MYO18A: variants seen among roughly 807,000 people sequenced by gnomAD.
MYO18A encodes myosin XVIIIA.
Under a neutral mutation model 235.8 loss-of-function variants are expected in MYO18A, and 78 were observed. The observed-to-expected ratio is 0.33, with a 90% CI of 0.28 to 0.40. MYO18A has a LOEUF of 0.40. MYO18A is among the 10% of genes least tolerant of loss of function. The probability of loss-of-function intolerance (pLI) is 1.00; values close to 1 mark genes in which losing one functional copy is unlikely to be tolerated. For missense variants in MYO18A, 2,215 were observed against 2,699.3 expected, an observed-to-expected ratio of 0.82 and a Z score of 3.98; for synonymous variants, 977 against 1,077.8, an observed-to-expected ratio of 0.91 and a Z score of 1.83.
At chr17:29,100,653 G>C (rs2066632109) in intron 21 of MYO18A, among the ~76,000 whole-genome samples, 1 of 144,150 alleles carries the variant, frequency 6.9e-6, no homozygotes, top group Non-Finnish European at 1.6e-5. Context: ...CTATCCATGA[G>C]AGTGGGCAGA....
chr17:29,126,343 G>A lies in MYO18A; in HGVS notation c.1000-4090C>T, dbSNP rs1187799461. On this transcript the variant is annotated intron_variant, in intron 2 of 41. Transcript: ENST00000527372. The surrounding 1 kb of genome is among the most constrained non-coding windows in gnomAD (Gnocchi z 4.1). ...AGGGACGGGGAGGAGGGAGGGGAGG[G>A]CAGCCGCCCGGGAACAGGACCACGA... 6.6e-6 allele frequency among the ~76,000 whole-genome samples: 1 copy of A among 151,480 alleles called. No individual in the cohort carries two copies. Among genetic ancestry groups the A allele is most frequent in the Admixed American group, 6.6e-5 (1 of 15,228 alleles).
intron 1 of MYO18A, among the ~76,000 whole-genome samples, chr17:29,175,564 A>T (rs1180737359): frequency 6.6e-6 from 1 of 151,764 alleles, no homozygotes; most frequent in Non-Finnish European, 1.5e-5. Flanking sequence ...GGGTCTTGCC[A>T]TGTTGCCCAG....
intron 7 of MYO18A, among the ~76,000 whole-genome samples, chr17:29,119,936 C>T (rs866126475): frequency 1.3e-5 from 2 of 151,898 alleles, no homozygotes; most frequent in Non-Finnish European, 2.9e-5. Flanking sequence ...AGTGCAGTGG[C>T]GCAATCACAG....
At chr17:29,115,176 A>C in intron 13 of MYO18A, 77 bp from the exon 14 acceptor site, 1 of 1,494,656 alleles carries the variant, frequency 6.7e-7, no homozygotes, top group South Asian at 1.3e-5. Context: ...CCCAAGCCAG[A>C]CCTCTATCCC....
intron 2 of MYO18A, among the ~76,000 whole-genome samples, chr17:29,139,552 C>T (rs2067686576): frequency 6.6e-6 from 1 of 151,968 alleles, no homozygotes; most frequent in Non-Finnish European, 1.5e-5. Context: ...TGATGCACCT[C>T]CGCACCAGGC....
chr17:29,174,540 C>T (rs543108471), intron 1 of MYO18A, among the ~76,000 whole-genome samples: 1 of 152,156 alleles, frequency 6.6e-6, no homozygotes, highest in East Asian at 1.9e-4. Context: ...AAATGCTGGG[C>T]ATGGTGGCTC....
rs755781617 is a variant in MYO18A, at chr17:29,089,942, G to A, written c.5526+19C>T. ...AGCTCTGCCCTGTTTGGTGTGGCCC[G>A]GGAGAAGTGTGAACCCACCTCCAGC... On this transcript the variant is annotated intron_variant, in intron 37 of 41. Coordinates refer to ENST00000527372, the MANE Select transcript of MYO18A (RefSeq NM_078471.4). The A allele has an allele frequency of 1.1e-5, 17 of 1,613,728 alleles. No homozygotes were observed. Among genetic ancestry groups the A allele is most frequent in the African/African-American group, 5.3e-5 (4 of 74,948 alleles).
chr17:29,084,282 C>G (rs1598271994), intron 40 of MYO18A, among the ~76,000 whole-genome samples: 1 of 152,198 alleles, frequency 6.6e-6, no homozygotes, highest in Non-Finnish European at 1.5e-5. Flanking sequence ...GCCCTTGAAG[C>G]TCTTGCCACA....
At chr17:29,096,523 G>A (rs1452411723) in intron 28 of MYO18A, among the ~76,000 whole-genome samples, 1 of 152,180 alleles carries the variant, frequency 6.6e-6, no homozygotes, top group Non-Finnish European at 1.5e-5. Flanking sequence ...ACAGGCACAT[G>A]ATGCAGGGAG....
Position 29,118,036 on chromosome 17 carries a change from G to T in MYO18A, c.2038+9C>A. Reference sequence around the variant, plus strand: ...ACAGGCCAGCCTACTGGGACCCACTGCAGGTTACCTTTGGTGGCTCCCGCA... The same window carrying T: ...ACAGGCCAGCCTACTGGGACCCACTTCAGGTTACCTTTGGTGGCTCCCGCA... On this transcript the variant is annotated intron_variant, in intron 10 of 41. Coordinates refer to ENST00000527372, the MANE Select transcript of MYO18A (RefSeq NM_078471.4). The surrounding 1 kb of genome is among the most constrained non-coding windows in gnomAD (Gnocchi z 4.2). The T allele has an allele frequency of 6.4e-7, 1 of 1,574,068 alleles. No homozygotes were observed. The highest frequency in any genetic ancestry group is 8.6e-7 in the Non-Finnish European group (1 of 1,159,870).
rs567149779 is a variant in MYO18A, at chr17:29,107,835, G to T, written c.3332-646C>A. 2.7e-5 allele frequency among the ~76,000 whole-genome samples: 4 copies of T among 149,234 alleles called. No individual in the cohort carries two copies. In the East Asian group the frequency reaches 6.0e-4, roughly 22 times the overall value. On this transcript the variant is annotated intron_variant, in intron 19 of 41. Transcript: ENST00000527372. ...GGAGGCCGAGGCAGAAGAATCGCTTGAACTCAGGAGGCAGAGGCTGCAGTG... is the reference window on the plus strand; with the variant it reads ...GGAGGCCGAGGCAGAAGAATCGCTTTAACTCAGGAGGCAGAGGCTGCAGTG...
chr17:29,074,172 C>G lies in MYO18A; in HGVS notation c.*598G>C. On this transcript the variant is annotated 3_prime_UTR_variant, in exon 42 of 42. Transcript: ENST00000527372. The surrounding 1 kb of genome is among the most constrained non-coding windows in gnomAD (Gnocchi z 4.4). Reference sequence around the variant, plus strand: ...CCAGCTGCACAGAGAAAGGACTGCTCTCTGAAGGGTGAAGATGGAGATGAC... The same window carrying G: ...CCAGCTGCACAGAGAAAGGACTGCTGTCTGAAGGGTGAAGATGGAGATGAC... The G allele has an allele frequency of 6.2e-7, 1 of 1,610,008 alleles. No individual in the cohort carries two copies. The highest frequency in any genetic ancestry group is 8.5e-7 in the Non-Finnish European group (1 of 1,177,410).
chr17:29,093,235 T>C (rs892842157), intron 32 of MYO18A, 88 bp downstream of exon 32: 25 of 1,259,668 alleles, frequency 2.0e-5, no homozygotes, highest in Admixed American at 2.0e-5. Flanking sequence ...GACAGCTCTG[T>C]TCGTGGCTCC....
chr17:29,167,529 C>G (rs1156687371), intron 1 of MYO18A, among the ~76,000 whole-genome samples: 1 of 151,968 alleles, frequency 6.6e-6, no homozygotes, highest in African/African-American at 2.4e-5. Flanking sequence ...CTGGACAACA[C>G]AGTGAGACCC....
intron 41 of MYO18A, chr17:29,075,944 G>T: frequency 6.5e-6 from 1 of 154,248 alleles, no homozygotes. Context: ...GGAGTTCCAT[G>T]TTCCCTGCTG....
rs1209846694 is a variant in MYO18A at position 29,106,247 on chromosome 17, G to A, written c.3441+833C>T. Among the ~76,000 whole-genome samples, 4 of 152,144 alleles carry A rather than the reference G, an allele frequency of 2.6e-5. No individual in the cohort carries two copies. The highest frequency in any genetic ancestry group is 5.9e-5 in the Non-Finnish European group (4 of 68,024). On this transcript the variant is annotated intron_variant, in intron 20 of 41. Coordinates refer to ENST00000527372, the MANE Select transcript of MYO18A (RefSeq NM_078471.4). The surrounding 1 kb of genome is among the most constrained non-coding windows in gnomAD (Gnocchi z 4.6). The stretch of plus-strand genomic sequence containing the variant: ...GGCTGAGGGCCTGTGAGAAGGGGGC[G>A]TGGGACGGGCATCTATGTCCACATG...
At chr17:29,089,688 G>A (rs1472494460) in intron 37 of MYO18A, among the ~76,000 whole-genome samples, 9 of 152,182 alleles carry the variant, frequency 5.9e-5, no homozygotes, top group Admixed American at 4.6e-4. Context: ...GCTCGTGGTG[G>A]AGGAAAATAT....
At chr17:29,131,999 G>A (rs1411651212) in intron 2 of MYO18A, among the ~76,000 whole-genome samples, 1 of 152,238 alleles carries the variant, frequency 6.6e-6, no homozygotes, top group Non-Finnish European at 1.5e-5. Flanking sequence ...AGATCTTGCT[G>A]GAGGCAGGGA....
chr17:29,091,794 G>C, intron 34 of MYO18A: 1 of 404,700 alleles, frequency 2.5e-6, no homozygotes, highest in Admixed American at 3.0e-5. Context: ...CACTGGGGTG[G>C]GTCCCAGGAC....
Sources: gnomAD v4.1 joint callset for allele counts (sites outside exome capture counted in the v4.1 genomes callset) on GRCh38, gnomAD v4.1.1 for gene constraint, Gnocchi (gnomAD v3.1) non-coding constraint, MANE v1.5 for transcripts, NCBI Gene and HGNC (gene_info 2026-07-23, HGNC 2026-07-21) for gene names.